DNAI1: variants seen among roughly 807,000 people sequenced by gnomAD.
DNAI1 encodes dynein, axonemal, intermediate polypeptide 1.
Under a neutral mutation model 92.0 loss-of-function variants are expected in DNAI1, and 67 were observed. The observed-to-expected ratio is 0.73, with a 90% CI of 0.60 to 0.89. The LOEUF (loss-of-function observed/expected upper bound fraction) is 0.89, where lower values mean the gene tolerates loss of function less well. DNAI1 is among the 40% of genes least tolerant of loss of function. The probability of loss-of-function intolerance (pLI) is 0.00; values close to 1 mark genes in which losing one functional copy is unlikely to be tolerated. For missense variants in DNAI1, 839 were observed against 866.6 expected, an observed-to-expected ratio of 0.97 and a Z score of 0.40; for synonymous variants, 323 against 319.6, an observed-to-expected ratio of 1.01 and a Z score of -0.11.
intron 1 of DNAI1, among the ~76,000 whole-genome samples, chr9:34,469,313 T>G (rs926031853): frequency 1.4e-5 from 2 of 139,530 alleles, no homozygotes; most frequent in African/African-American, 5.3e-5. Context: ...TCACCCAGGC[T>G]GGAGTGCAAT....
chr9:34,487,218 T>C (rs1459713471), intron 4 of DNAI1, among the ~76,000 whole-genome samples: 1 of 152,056 alleles, frequency 6.6e-6, no homozygotes, highest in African/African-American at 2.4e-5. Flanking sequence ...CGCCTCGCTC[T>C]GTCGCCCAGG....
At position 34,458,914 on chromosome 9, in the gene DNAI1, G is replaced by A. The variant is rs1384709578; in HGVS notation, c.-92G>A. On this transcript the variant is annotated 5_prime_UTR_variant, in exon 1 of 20. Transcript: ENST00000242317. The surrounding 1 kb of genome is among the most constrained non-coding windows in gnomAD (Gnocchi z 6.6). ...GTTGCGACTGGTAACTGAAGTGGAA[G>A]AGAGTCCAGATTTCTTGTGTGTGGT... 3.5e-6 allele frequency: 4 copies of A among 1,142,434 alleles called. No homozygotes were observed. In the African/African-American group the frequency reaches 6.1e-5, roughly 17 times the overall value. 70.8% of individuals were successfully genotyped at this position (1,142,434 alleles called of 1,614,324 possible).
At chr9:34,513,339 C>A in intron 16 of DNAI1, 148 bp downstream of exon 16, 1 of 706,370 alleles carries the variant, frequency 1.4e-6, no homozygotes, top group East Asian at 2.7e-5. Context: ...TATTTCTTGA[C>A]CTGCTTGGGT....
intron 1 of DNAI1, among the ~76,000 whole-genome samples, chr9:34,466,422 C>T (rs1003035487): frequency 6.6e-6 from 1 of 152,196 alleles, no homozygotes; most frequent in Non-Finnish European, 1.5e-5. Context: ...TAATCTGCTG[C>T]TCCTTGGAGA....
chr9:34,517,462 C>T lies in DNAI1; in HGVS notation c.1996C>T (p.Pro666Ser). Reference sequence around the variant, plus strand: ...GCTCTCACCCAATTTGCGCAAGATGCCAAAGGTACAGGCTCTGGGACTTTG... The same window carrying T: ...GCTCTCACCCAATTTGCGCAAGATGTCAAAGGTACAGGCTCTGGGACTTTG... The part of the protein sequence containing the change: ...LKLSPNLRKM[P>S]KEKKGQEVQK... The change falls in exon 19 of 20, where the codon CCA becomes TCA. Residue 666 changes from proline (P) to serine (S), a missense_variant. Coordinates refer to ENST00000242317, the MANE Select transcript of DNAI1 (RefSeq NM_012144.4). 3 of 1,614,166 alleles carry T rather than the reference C, an allele frequency of 1.9e-6. No individual in the cohort carries two copies. The highest frequency in any genetic ancestry group is 2.5e-6 in the Non-Finnish European group (3 of 1,180,038).
rs1587071186 is a variant in DNAI1, at chr9:34,490,415, C to T, written c.548C>T (p.Pro183Leu). 1 of 1,614,154 alleles carries T rather than the reference C, an allele frequency of 6.2e-7. No individual in the cohort carries two copies. Residue 183 changes from proline (P) to leucine (L), a missense_variant, in exon 7 of 20, where the codon CCC becomes CTC. Coordinates refer to ENST00000242317, the MANE Select transcript of DNAI1 (RefSeq NM_012144.4). ...TEEELMTPKQ[P>L]KERKLTNQFN... Reference sequence around the variant, plus strand: ...GAAGAATTGATGACTCCTAAGCAGCCCAAGGAGAGAAAGCTCACTAACCAG... The same window carrying T: ...GAAGAATTGATGACTCCTAAGCAGCTCAAGGAGAGAAAGCTCACTAACCAG...
intron 1 of DNAI1, among the ~76,000 whole-genome samples, chr9:34,479,375 GC>G (rs1824296707): frequency 6.6e-6 from 1 of 152,210 alleles, no homozygotes; most frequent in Admixed American, 6.5e-5. Flanking sequence ...GCCCAAAGTG[GC>G]AGCCTGACAT....
chr9:34,479,836 C>T (rs915532603), intron 1 of DNAI1, among the ~76,000 whole-genome samples: 6 of 152,164 alleles, frequency 3.9e-5, no homozygotes, highest in Non-Finnish European at 7.4e-5. Flanking sequence ...CAGCAACAAT[C>T]CCAGCCCAAG....
At chr9:34,492,507 TATATATATATATA>T (rs1343254168) in intron 8 of DNAI1, among the ~76,000 whole-genome samples, 1 of 59,562 alleles carries the variant, frequency 1.7e-5, no homozygotes, top group East Asian at 7.2e-4. Flanking sequence ...TATATATATA[TATATATATATATA>T]TATATATATA....
rs901890388 is a variant in DNAI1 at position 34,491,670 on chromosome 9, T to C, written c.681+116T>C. On this transcript the variant is annotated intron_variant, in intron 8 of 19. Transcript: ENST00000242317. The stretch of plus-strand genomic sequence containing the variant: ...CTCCTCTGGCAGTCTGCCCTCCTCA[T>C]CTACTTGCCTCCCTGCTCACTGTCC... The C allele has an allele frequency of 8.4e-5, 91 of 1,084,706 alleles. No individual in the cohort carries two copies. In the African/African-American group the frequency reaches 1.3e-3, roughly 16 times the overall value. The allele number at this position is 1,084,706 out of a possible 1,614,324, so 67.2% of individuals were successfully genotyped here.
At chr9:34,517,215 G>A in intron 18 of DNAI1, 70 bp from the exon 19 acceptor site, 1 of 1,542,254 alleles carries the variant, frequency 6.5e-7, no homozygotes, top group Non-Finnish European at 8.8e-7. Flanking sequence ...GGAAGTCCAG[G>A]GACTCATTCC....
rs112119832 is a variant in DNAI1 at position 34,493,432 on chromosome 9, A to T, written c.816+104A>T. 774 of 1,469,090 alleles carry T rather than the reference A, an allele frequency of 5.3e-4. 6 individuals carry two copies. In the African/African-American group the frequency reaches 8.8e-3, roughly 17 times the overall value. 91.0% of individuals were successfully genotyped at this position (1,469,090 alleles called of 1,614,324 possible). ...GTCTGGGAGGGGTTCACAGATACTT[A>T]AATCAGGGACTAATGTTGAGATATA... is the stretch of plus-strand genomic sequence containing the variant. On this transcript the variant is annotated intron_variant, in intron 9 of 19. Transcript: ENST00000242317.
In DNAI1 at chr9:34,485,453, T is replaced by A; in HGVS notation, c.197T>A (p.Phe66Tyr). Residue 66 changes from phenylalanine to tyrosine, a missense_variant, in exon 4 of 20, where the codon TTC (phenylalanine) becomes TAC (tyrosine). By Grantham distance (22) the Phe-to-Tyr change is conservative (BLOSUM62 3). Coordinates refer to ENST00000242317, the MANE Select transcript of DNAI1 (RefSeq NM_012144.4). Reference sequence around the variant, plus strand: ...CTCCCTCAGGAGTTAAAGGAGGAGTTCACTCGGATTTTGACAGCCAACAAC... The same window carrying A: ...CTCCCTCAGGAGTTAAAGGAGGAGTACACTCGGATTTTGACAGCCAACAAC... ...ELTDAELKEE[F>Y]TRILTANNPH... is the part of the protein sequence containing the mutation. 1 of 1,614,116 alleles carries A rather than the reference T, an allele frequency of 6.2e-7. No individual in the cohort carries two copies. Among genetic ancestry groups the A allele is most frequent in the East Asian group, 2.2e-5 (1 of 44,864 alleles).
At chr9:34,492,491 A>AAGAT (rs201589758) in intron 8 of DNAI1, among the ~76,000 whole-genome samples, 1,794 of 27,686 alleles carry the variant, frequency 0.065, 145 homozygotes, top group African/African-American at 0.17. Context: ...TGGGGATATG[A>AAGAT]AGATATATAT....
chr9:34,482,201 C>G lies in DNAI1; in HGVS notation c.49-1247C>G, dbSNP rs377219198. 5.8e-4 allele frequency among the ~76,000 whole-genome samples: 88 copies of G among 151,466 alleles called. No individual in the cohort carries two copies. In the East Asian group the frequency reaches 0.016, roughly 27 times the overall value. On this transcript the variant is annotated intron_variant, in intron 1 of 19. Transcript: ENST00000242317. ...GGTGCTGATTGGTGTGTTTACAAACCTTGAGCTAGATACAGAGTGCTGATT... is the reference window on the plus strand; with the variant it reads ...GGTGCTGATTGGTGTGTTTACAAACGTTGAGCTAGATACAGAGTGCTGATT...
At chr9:34,480,543 A>G (rs1824332011) in intron 1 of DNAI1, among the ~76,000 whole-genome samples, 2 of 152,058 alleles carry the variant, frequency 1.3e-5, no homozygotes, top group Non-Finnish European at 2.9e-5. Flanking sequence ...CTGGGATTAC[A>G]GGCATGAGCC....
intron 6 of DNAI1, 63 bp downstream of exon 6, chr9:34,490,187 T>C (rs902223650): frequency 1.9e-6 from 3 of 1,613,250 alleles, no homozygotes; most frequent in Middle Eastern, 1.7e-4. Flanking sequence ...GGAGGCTTCA[T>C]GGGTAACTTG....
chr9:34,476,168 C>T (rs553735423), intron 1 of DNAI1, among the ~76,000 whole-genome samples: 1 of 152,140 alleles, frequency 6.6e-6, no homozygotes, highest in Non-Finnish European at 1.5e-5. Flanking sequence ...CAGCAAGGTG[C>T]CTAGCTATTA....
chr9:34,479,002 G>A (rs1260870791), intron 1 of DNAI1: 1 of 152,272 alleles, frequency 6.6e-6, no homozygotes, highest in Non-Finnish European at 1.5e-5. Context: ...GGTGGGAAAG[G>A]AAAAGTTAGA....
Sources: gnomAD v4.1 joint callset for allele counts (sites outside exome capture counted in the v4.1 genomes callset) on GRCh38, gnomAD v4.1.1 for gene constraint, Gnocchi (gnomAD v3.1) non-coding constraint, MANE v1.5 for transcripts, NCBI Gene and HGNC (gene_info 2026-07-23, HGNC 2026-07-21) for gene names.